The following DLGAP1 variants were observed in gnomAD, a reference collection of about 807,000 sequenced individuals.
DLGAP1 encodes the protein disks large-associated protein 1.
A neutral mutation model predicts 90.8 loss-of-function variants in DLGAP1; 11 were observed. The ratio of observed to expected loss-of-function variants is 0.12; its 90% CI spans 0.08 to 0.20. DLGAP1 has a LOEUF of 0.20. Ranked by LOEUF, DLGAP1 falls within the 10% of genes least tolerant of loss-of-function variation. The probability of loss-of-function intolerance (pLI) is 1.00; values close to 1 mark genes in which losing one functional copy is unlikely to be tolerated. For missense variants in DLGAP1, 1,050 were observed against 1,333.8 expected, an observed-to-expected ratio of 0.79 and a Z score of 3.31; for synonymous variants, 558 against 540.7, an observed-to-expected ratio of 1.03 and a Z score of -0.44.
At chr18:4,049,954 CCATA>C (rs754945297) in intron 2 of DLGAP1, among the ~76,000 whole-genome samples, 7,086 of 142,908 alleles carry the variant, frequency 0.05, 205 homozygotes, top group Middle Eastern at 0.14. Context: ...ATCCATCCAT[CCATA>C]CTTTAATTCA....
chr18:3,607,763 G>C (rs2057391174), intron 7 of DLGAP1: 1 of 152,060 alleles, frequency 6.6e-6, no homozygotes, highest in Non-Finnish European at 1.5e-5. Context: ...TATCCTGCTT[G>C]CTAATGAGAC....
At chr18:4,297,695 A>G (rs1448151203) in intron 1 of DLGAP1, among the ~76,000 whole-genome samples, 4 of 152,110 alleles carry the variant, frequency 2.6e-5, no homozygotes, top group Non-Finnish European at 4.4e-5. Flanking sequence ...TCTCCTTTCT[A>G]TTCTCCGGAT....
intron 11 of DLGAP1, among the ~76,000 whole-genome samples, chr18:3,506,017 A>G (rs1208004117): frequency 6.6e-6 from 1 of 152,104 alleles, no homozygotes; most frequent in African/African-American, 2.4e-5. Flanking sequence ...AGGGTGGATC[A>G]CCTGAGGTCA....
chr18:3,635,901 T>G (rs1448818541), intron 7 of DLGAP1, among the ~76,000 whole-genome samples: 1 of 151,526 alleles, frequency 6.6e-6, no homozygotes, highest in African/African-American at 2.4e-5. Context: ...TAATTCACTC[T>G]TCGAAATGCC....
chr18:3,671,777 C>T (rs1791388), intron 7 of DLGAP1, among the ~76,000 whole-genome samples: 61,513 of 152,058 alleles, frequency 0.4, 13,822 homozygotes, highest in East Asian at 0.79. Flanking sequence ...TTTAAATAAT[C>T]TATTTTAAGG....
At chr18:4,289,243 A>G (rs1010559175) in intron 1 of DLGAP1, among the ~76,000 whole-genome samples, 2 of 152,078 alleles carry the variant, frequency 1.3e-5, no homozygotes, top group African/African-American at 4.8e-5. Flanking sequence ...CTAGGGTGGA[A>G]GGGAGGGTTA....
At chr18:4,369,262 C>T (rs1360322002) in intron 1 of DLGAP1, among the ~76,000 whole-genome samples, 1 of 151,782 alleles carries the variant, frequency 6.6e-6, no homozygotes, top group Admixed American at 6.6e-5. Context: ...ACTATATATG[C>T]ATATATGTTT....
intron 7 of DLGAP1, among the ~76,000 whole-genome samples, chr18:3,591,514 C>A (rs1181542838): frequency 1.3e-5 from 2 of 151,652 alleles, no homozygotes; most frequent in African/African-American, 2.4e-5. Context: ...CATGGTGAAA[C>A]CCATCTCCAC....
chr18:3,515,936 C>G (rs2050819015), intron 10 of DLGAP1, among the ~76,000 whole-genome samples: 1 of 152,162 alleles, frequency 6.6e-6, no homozygotes, highest in Non-Finnish European at 1.5e-5. Context: ...AAACTACTTT[C>G]TTGGCTCATC....
chr18:3,583,463 A>G (rs2055690733), intron 7 of DLGAP1, among the ~76,000 whole-genome samples: 1 of 151,798 alleles, frequency 6.6e-6, no homozygotes, highest in South Asian at 2.1e-4. Flanking sequence ...AACTCTCACT[A>G]TATAAACTTC....
Position 3,653,254 on chromosome 18 carries a change from C to T in DLGAP1, c.1592-71006G>A, listed in dbSNP as rs1322342971. Among the ~76,000 whole-genome samples the T allele has an allele frequency of 1.3e-5, 2 of 152,108 alleles. No homozygotes were observed. Among genetic ancestry groups the T allele is most frequent in the Non-Finnish European group, 2.9e-5 (2 of 68,024 alleles). On this transcript the variant is annotated intron_variant, in intron 7 of 12. Coordinates refer to ENST00000315677, the MANE Select transcript of DLGAP1 (RefSeq NM_004746.4). This position sits in a 1 kb window ranked among gnomAD's most constrained non-coding sequence, Gnocchi z 4.6. The stretch of plus-strand genomic sequence containing the variant: ...CCCTGCCATTGGTGCGACTGTTTCC[C>T]CCTTCCGTCAAATTGCTGTCTAGAT...
chr18:4,406,404 C>T (rs556006828), intron 1 of DLGAP1, among the ~76,000 whole-genome samples: 1 of 152,334 alleles, frequency 6.6e-6, no homozygotes, highest in East Asian at 1.9e-4. Context: ...CCTCCAGACC[C>T]TATTCTCCTG....
In DLGAP1 at chr18:3,659,394, T is replaced by TACACACACACACACAC. The variant is rs71366699; in HGVS notation, c.1591+69725_1591+69740dup. Among the ~76,000 whole-genome samples, 12 of 102,172 alleles carry TACACACACACACACAC rather than the reference T, an allele frequency of 1.2e-4. 1 individual carries two copies. The highest frequency in any genetic ancestry group is 5.2e-4 in the African/African-American group (11 of 21,026). The allele number at this position is 102,172 out of a possible 152,430, so 67.0% of individuals were successfully genotyped here. ...GGGTAAGCCGTAACACATACATTTATACACACACACACACACACACACACA... is the reference window on the plus strand; with the variant it reads ...GGGTAAGCCGTAACACATACATTTATACACACACACACACACACACACACACACACACACACACACA... On this transcript the variant is annotated intron_variant, in intron 7 of 12. Coordinates refer to ENST00000315677, the MANE Select transcript of DLGAP1 (RefSeq NM_004746.4).
intron 2 of DLGAP1, among the ~76,000 whole-genome samples, chr18:4,099,113 T>C (rs769779337): frequency 5.9e-5 from 9 of 152,224 alleles, no homozygotes; most frequent in Non-Finnish European, 1.3e-4. Flanking sequence ...TCTAGTTTTG[T>C]TGTAAGAATT....
At chr18:4,120,113 C>G (rs1264394328) in intron 2 of DLGAP1, among the ~76,000 whole-genome samples, 5 of 152,140 alleles carry the variant, frequency 3.3e-5, no homozygotes, top group Non-Finnish European at 7.3e-5. Context: ...TTTATTATGA[C>G]TGAAAATTAG....
intron 1 of DLGAP1, among the ~76,000 whole-genome samples, chr18:4,302,454 C>A (rs1287632140): frequency 6.6e-6 from 1 of 152,072 alleles, no homozygotes; most frequent in African/African-American, 2.4e-5. Context: ...AATGTACATA[C>A]GTGAGCTTTT....
rs1035597502 is a variant in DLGAP1 at position 3,672,306 on chromosome 18, G to A, written c.1591+56829C>T. Among the ~76,000 whole-genome samples the A allele has an allele frequency of 1.1e-4, 16 of 151,552 alleles. No individual in the cohort carries two copies. The East Asian group carries it at 1.7e-3, about 17-fold the overall frequency. On this transcript the variant is annotated intron_variant, in intron 7 of 12. Coordinates refer to ENST00000315677, the MANE Select transcript of DLGAP1 (RefSeq NM_004746.4). ...TTGAAAGTTAACAAGAGCAGGGAAC[G>A]GTGGTTCACGCCTGCAATCCCAGCA...
chr18:3,949,362 T>G (rs1393900578), intron 3 of DLGAP1, among the ~76,000 whole-genome samples: 1 of 152,184 alleles, frequency 6.6e-6, no homozygotes, highest in Non-Finnish European at 1.5e-5. Context: ...TGGCTCCATC[T>G]CTTTGTAGCT....
At chr18:3,919,603 C>A (rs764848587) in intron 3 of DLGAP1, among the ~76,000 whole-genome samples, 1 of 152,192 alleles carries the variant, frequency 6.6e-6, no homozygotes, top group Non-Finnish European at 1.5e-5. Flanking sequence ...TAAACAGGAA[C>A]TGCCTGAAAT....
Sources: allele counts gnomAD v4.1 joint callset (sites outside exome capture counted in the v4.1 genomes callset), GRCh38; gene constraint gnomAD v4.1.1; non-coding constraint Gnocchi (gnomAD v3.1); transcripts MANE v1.5; gene names NCBI Gene and HGNC (gene_info 2026-07-23, HGNC 2026-07-21).